Variants in ERBB3 observed in about 807,000 individuals in gnomAD.
ERBB3 encodes the protein receptor tyrosine-protein kinase erbB-3.
ERBB3 carries 96 observed loss-of-function variants against 156.7 expected under a neutral mutation model. The ratio of observed to expected loss-of-function variants is 0.61; its 90% CI spans 0.52 to 0.73. The LOEUF (loss-of-function observed/expected upper bound fraction) is 0.73. ERBB3 is among the 30% of genes least tolerant of loss of function. ERBB3 has a pLI of 0.00. For missense variants in ERBB3, 1,406 were observed against 1,709.4 expected, an observed-to-expected ratio of 0.82 and a Z score of 3.13; for synonymous variants, 567 against 632.0, an observed-to-expected ratio of 0.90 and a Z score of 1.54.
In ERBB3 at chr12:56,100,266, G is replaced by C. The variant is rs1436151385; in HGVS notation, c.3201+21G>C. 1.9e-6 allele frequency: 3 copies of C among 1,593,574 alleles called. No individual in the cohort carries two copies. The East Asian group carries it at 6.7e-5, about 36-fold the overall frequency. ...GCCAGGTAAGTTCTGTTGCTGAGAG[G>C]CTGGGTTTTAGGATCAGATTGATAC... is the stretch of plus-strand genomic sequence containing the variant. On this transcript the variant is annotated intron_variant, in intron 26 of 27. Coordinates refer to ENST00000267101, the MANE Select transcript of ERBB3 (RefSeq NM_001982.4).
chr12:56,102,106 T>C lies in ERBB3; in HGVS notation c.*51T>C. ...AGCATTTAATGGCAGCTAGTGCCTTTAGAGGGTACCGTCTTCTCCCTATTC... is the reference window on the plus strand; with the variant it reads ...AGCATTTAATGGCAGCTAGTGCCTTCAGAGGGTACCGTCTTCTCCCTATTC... On this transcript the variant is annotated 3_prime_UTR_variant, in exon 28 of 28. Transcript: ENST00000267101. 6.5e-7 allele frequency: 1 copy of C among 1,527,478 alleles called. No individual in the cohort carries two copies. Among genetic ancestry groups the C allele is most frequent in the South Asian group, 1.1e-5 (1 of 89,492 alleles). 94.6% of individuals were successfully genotyped at this position (1,527,478 alleles called of 1,614,324 possible).
At chr12:56,089,138 C>CT (rs1565857800) in intron 9 of ERBB3, 1 of 520,384 alleles carries the variant, frequency 1.9e-6, no homozygotes, top group Admixed American at 2.3e-5. Context: ...CTTTTTTATT[C>CT]TTTTTTCTTT....
chr12:56,097,120 C>G lies in ERBB3; in HGVS notation c.2350C>G (p.Gln784Glu), dbSNP rs1022874756. Residue 784 changes from glutamine (Q) to glutamate (E), a missense_variant, in exon 20 of 28, where the codon CAG (glutamine) becomes GAG (glutamate). Gln to Glu is a conservative substitution (Grantham distance 29, BLOSUM62 2). Around this residue, in one of 3 missense-constraint regions of ERBB3, gnomAD observed 979 missense variants for 1,219.6 expected, o/e 0.80. Transcript: ENST00000267101. The stretch of plus-strand genomic sequence containing the variant: ...GGGACTATGCCCAGGGTCATCTCTG[C>G]AGCTTGTCACTCAATATTTGCCTCT... ...LLGLCPGSSL[Q>E]LVTQYLPLGS... The G allele has an allele frequency of 6.2e-7, 1 of 1,614,010 alleles. No individual in the cohort carries two copies. Among genetic ancestry groups the G allele is most frequent in the African/African-American group, 1.3e-5 (1 of 74,912 alleles).
chr12:56,080,263 C>A lies in ERBB3; in HGVS notation c.-38C>A, dbSNP rs373287161. On this transcript the variant is annotated 5_prime_UTR_variant, in exon 1 of 28. Transcript: ENST00000267101. Reference sequence around the variant, plus strand: ...ATGTCCTAGCCTAGGGGCCCCCGGGCCGGACTTGGCTGGGCTCCCTTCACC... The same window carrying A: ...ATGTCCTAGCCTAGGGGCCCCCGGGACGGACTTGGCTGGGCTCCCTTCACC... 38 of 1,523,548 alleles carry A rather than the reference C, an allele frequency of 2.5e-5. No homozygotes were observed. Among genetic ancestry groups the A allele is most frequent in the Non-Finnish European group, 3.3e-5 (37 of 1,123,024 alleles). 94.4% of individuals were successfully genotyped at this position (1,523,548 alleles called of 1,614,324 possible).
chr12:56,097,857 C>T lies in ERBB3; in HGVS notation c.2533C>T (p.Pro845Ser), dbSNP rs147206496. The T allele has an allele frequency of 1.2e-6, 2 of 1,613,994 alleles. No homozygotes were observed. Among genetic ancestry groups the T allele is most frequent in the South Asian group, 1.1e-5 (1 of 91,078 alleles). Residue 845 changes from proline to serine, a missense_variant, in exon 21 of 28, where the codon CCC becomes TCC. This residue lies in a region of ERBB3 where 979 missense variants were observed against 1,219.6 expected (regional missense o/e 0.80). Coordinates refer to ENST00000267101, the MANE Select transcript of ERBB3 (RefSeq NM_001982.4). ...TGCCCGAAACGTGCTACTCAAGTCA[C>T]CCAGTCAGGTTCAGGTGGCAGATTT... ...LAARNVLLKSPSQVQVADFGV... is the reference protein window; with the variant it reads ...LAARNVLLKSSSQVQVADFGV...
In ERBB3 at chr12:56,095,864, T is replaced by G. The variant is rs967339958; in HGVS notation, c.2055+58T>G. The G allele has an allele frequency of 9.4e-6, 15 of 1,595,026 alleles. 1 individual carries two copies. In the Admixed American group the frequency reaches 2.5e-4, roughly 27 times the overall value. On this transcript the variant is annotated intron_variant, in intron 17 of 27. Transcript: ENST00000267101. ...TCTTTTTTTGCATGTCCTGGAAGTC[T>G]CTTTATAGCTTAATTTTGAGTGGTA...
At chr12:56,080,509 G>C in intron 1 of ERBB3, 127 bp downstream of exon 1, 13 of 745,924 alleles carry the variant, frequency 1.7e-5, no homozygotes, top group Non-Finnish European at 2.9e-5. Context: ...GGTTTGCCAG[G>C]ACCACCTGGG....
chr12:56,103,259 A>G lies in ERBB3; in HGVS notation c.*1204A>G, dbSNP rs1869186236. 4.4e-6 allele frequency: 1 copy of G among 225,430 alleles called. No homozygotes were observed. Among genetic ancestry groups the G allele is most frequent in the African/African-American group, 2.2e-5 (1 of 44,904 alleles). The allele number at this position is 225,430 out of a possible 1,614,324, so 14.0% of individuals were successfully genotyped here. A position where few individuals can be genotyped will look rare whatever the true frequency, so the allele number is the denominator to read the frequency against. On this transcript the variant is annotated 3_prime_UTR_variant, in exon 28 of 28. Coordinates refer to ENST00000267101, the MANE Select transcript of ERBB3 (RefSeq NM_001982.4). Reference sequence around the variant, plus strand: ...CATCTTTGTGTAAACCATAATCCACATGTGCCGTAAATGATCTTCACTCCT... The same window carrying G: ...CATCTTTGTGTAAACCATAATCCACGTGTGCCGTAAATGATCTTCACTCCT...
chr12:56,098,378 C>T, intron 21 of ERBB3, 122 bp from the exon 22 acceptor site: 2 of 772,788 alleles, frequency 2.6e-6, no homozygotes, highest in Non-Finnish European at 4.5e-6. Context: ...CACCACTGCA[C>T]TCCAGTCTGG....
rs2136795318 is a variant in ERBB3, at chr12:56,088,093, A to C, written c.805A>C (p.Thr269Pro). Residue 269 changes from threonine to proline, a missense_variant, in exon 7 of 28, where the codon ACT becomes CCT. This residue lies in a region of ERBB3 where 979 missense variants were observed against 1,219.6 expected (regional missense o/e 0.80). Transcript: ENST00000267101. ...ACAGCCTCTTGTCTACAACAAGCTAACTTTCCAGCTGGAACCCAATCCCCA... is the reference window on the plus strand; with the variant it reads ...ACAGCCTCTTGTCTACAACAAGCTACCTTTCCAGCTGGAACCCAATCCCCA... ...CPQPLVYNKLTFQLEPNPHTK... is the reference protein window; with the variant it reads ...CPQPLVYNKLPFQLEPNPHTK... 2 of 1,614,164 alleles carry C rather than the reference A, an allele frequency of 1.2e-6. No homozygotes were observed. Among genetic ancestry groups the C allele is most frequent in the Non-Finnish European group, 1.7e-6 (2 of 1,180,008 alleles).
intron 9 of ERBB3, among the ~76,000 whole-genome samples, chr12:56,090,786 CCT>C (rs774277070): frequency 1.3e-5 from 2 of 152,048 alleles, no homozygotes; most frequent in African/African-American, 2.4e-5. Context: ...CTTTCTTACC[CCT>C]GTTATATTTC....
chr12:56,101,437 A>G (rs1869100784), intron 27 of ERBB3, 76 bp downstream of exon 27: 2 of 1,593,582 alleles, frequency 1.3e-6, no homozygotes, highest in Non-Finnish European at 1.7e-6. Context: ...TTCTTCTCTG[A>G]TCATATGCCT....
chr12:56,085,303 C>T (rs1213894669), intron 3 of ERBB3, 122 bp downstream of exon 3: 5 of 1,581,270 alleles, frequency 3.2e-6, no homozygotes, highest in Admixed American at 3.5e-5. Context: ...TCACCTTGGC[C>T]GCTGTCTAAA....
intron 15 of ERBB3, among the ~76,000 whole-genome samples, chr12:56,094,820 G>A (rs1220272283): frequency 5.9e-5 from 9 of 152,256 alleles, no homozygotes; most frequent in East Asian, 1.9e-4. Context: ...GCGTGGTGGC[G>A]CATGCCTGTA....
chr12:56,088,730 CCT>C lies in ERBB3; in HGVS notation c.989-13_989-12del, dbSNP rs774389167. 2 of 1,614,116 alleles carry C rather than the reference CCT, an allele frequency of 1.2e-6. No homozygotes were observed. Among genetic ancestry groups the C allele is most frequent in the Admixed American group, 1.7e-5 (1 of 60,010 alleles). The stretch of plus-strand genomic sequence containing the variant: ...GCCTGCGCAGACCACCCCCACTGAA[CCT>C]CTCTTACATTTGCAGCCTGTGAGGG... On this transcript the variant is annotated splice_polypyrimidine_tract_variant and intron_variant, in intron 8 of 27. Transcript: ENST00000267101.
At chr12:56,086,763 A>G (rs941001933) in intron 4 of ERBB3, 107 bp downstream of exon 4, 9 of 1,381,614 alleles carry the variant, frequency 6.5e-6, no homozygotes, top group Non-Finnish European at 7.2e-6. Context: ...CCCAGTGAAC[A>G]AACACCTCAG....
chr12:56,087,008 C>T (rs1302362440), intron 4 of ERBB3, among the ~76,000 whole-genome samples: 6 of 151,862 alleles, frequency 4.0e-5, no homozygotes, highest in South Asian at 2.1e-4. Context: ...CGTAGTGGCT[C>T]GCACCTGTAA....
chr12:56,089,132 T>C (rs1868585251), intron 9 of ERBB3: 2 of 543,198 alleles, frequency 3.7e-6, no homozygotes, highest in Non-Finnish European at 7.0e-6. Flanking sequence ...AGTTTTCTTT[T>C]TTATTCTTTT....
chr12:56,093,875 C>A lies in ERBB3; in HGVS notation c.1592C>A (p.Thr531Asn), dbSNP rs1868802158. 3.1e-6 allele frequency: 5 copies of A among 1,614,004 alleles called. No individual in the cohort carries two copies. The highest frequency in any genetic ancestry group is 4.2e-6 in the Non-Finnish European group (5 of 1,179,986). The change falls in exon 13 of 28, where the codon ACC becomes AAC. Residue 531 changes from threonine to asparagine, a missense_variant. Coordinates refer to ENST00000267101, the MANE Select transcript of ERBB3 (RefSeq NM_001982.4). ...RNYSRGGVCV[T>N]HCNFLNGEPR... Reference sequence around the variant, plus strand: ...TATAGCCGAGGAGGTGTCTGTGTGACCCACTGCAACTTTCTGAATGGGTAC... The same window carrying A: ...TATAGCCGAGGAGGTGTCTGTGTGAACCACTGCAACTTTCTGAATGGGTAC...
Sources: gnomAD v4.1 joint callset for allele counts (sites outside exome capture counted in the v4.1 genomes callset) on GRCh38, gnomAD v4.1.1 for gene constraint, gnomAD v4.1.1 regional missense constraint, MANE v1.5 for transcripts, NCBI Gene and HGNC (gene_info 2026-07-23, HGNC 2026-07-21) for gene names.